Variants in PTBP3 observed in about 807,000 individuals in gnomAD.
PTBP3 encodes the protein polypyrimidine tract-binding protein 3.
A neutral mutation model predicts 58.7 loss-of-function variants in PTBP3; 20 were observed. That is an observed-to-expected ratio of 0.34 (90% confidence interval 0.24 to 0.50). The LOEUF is 0.50. Ranked by LOEUF, PTBP3 falls within the 20% of genes least tolerant of loss-of-function variation. The probability of loss-of-function intolerance (pLI) is 0.98; values close to 1 mark genes in which losing one functional copy is unlikely to be tolerated. For missense variants in PTBP3, 509 were observed against 637.2 expected, an observed-to-expected ratio of 0.80 and a Z score of 2.17; for synonymous variants, 185 against 219.8, an observed-to-expected ratio of 0.84 and a Z score of 1.40.
At chr9:112,225,310 G>GT (rs1172515566) in intron 12 of PTBP3, among the ~76,000 whole-genome samples, 1 of 128,588 alleles carries the variant, frequency 7.8e-6, no homozygotes, top group African/African-American at 3.5e-5. Flanking sequence ...CTAAGTCTCA[G>GT]TTTCATTAAT....
At chr9:112,240,692 G>A (rs1835622919) in intron 7 of PTBP3, among the ~76,000 whole-genome samples, 1 of 150,256 alleles carries the variant, frequency 6.7e-6, no homozygotes, top group Non-Finnish European at 1.5e-5. Flanking sequence ...GCTTCAAGCA[G>A]GTCCTTCAGG....
rs370849239 is a variant in PTBP3, at chr9:112,232,269, C to T, written c.881-31G>A. The T allele has an allele frequency of 1.6e-5, 25 of 1,540,232 alleles. No homozygotes were observed. In the African/African-American group the frequency reaches 3.3e-4, roughly 21 times the overall value. On this transcript the variant is annotated intron_variant, in intron 8 of 13. Transcript: ENST00000374257. ...AAAAATACCAAAAGCATTTCATATT[C>T]TAATTATTTGAAGAACTGTAACACT...
chr9:112,261,413 G>A (rs528746202), intron 5 of PTBP3, among the ~76,000 whole-genome samples: 12 of 152,266 alleles, frequency 7.9e-5, no homozygotes, highest in South Asian at 6.2e-4. Context: ...GAAAGTAAAC[G>A]AACTTCTAAG....
At chr9:112,314,737 C>T (rs1161295133) in intron 1 of PTBP3, among the ~76,000 whole-genome samples, 3 of 152,072 alleles carry the variant, frequency 2.0e-5, no homozygotes, top group Non-Finnish European at 2.9e-5. Context: ...TCTACAATTG[C>T]GGACAGAAAT....
the PTBP3 span, among the ~76,000 whole-genome samples, chr9:112,345,676 T>G: frequency 6.6e-6 from 1 of 151,330 alleles, no homozygotes; most frequent in Non-Finnish European, 1.5e-5. Flanking sequence ...CCACAACACC[T>G]GGCCAAAAAA....
Position 112,224,117 on chromosome 9 carries a change from G to C in PTBP3, c.1442+16C>G. Reference sequence around the variant, plus strand: ...ATTAAATAATTTTAATGTATTTCTTGAAAGCAAAGACTTACTGAAAGAATT... The same window carrying C: ...ATTAAATAATTTTAATGTATTTCTTCAAAGCAAAGACTTACTGAAAGAATT... On this transcript the variant is annotated intron_variant, in intron 13 of 13. Transcript: ENST00000374257. The C allele has an allele frequency of 6.4e-7, 1 of 1,570,176 alleles. No homozygotes were observed. The highest frequency in any genetic ancestry group is 8.7e-7 in the Non-Finnish European group (1 of 1,153,864).
At chr9:112,356,763 G>C in the PTBP3 span, among the ~76,000 whole-genome samples, 1 of 146,450 alleles carries the variant, frequency 6.8e-6, no homozygotes. Context: ...ATAAGGGAAA[G>C]ACTCAAGAGG....
the PTBP3 span, among the ~76,000 whole-genome samples, chr9:112,354,100 G>A: frequency 6.6e-6 from 1 of 152,022 alleles, no homozygotes; most frequent in Non-Finnish European, 1.5e-5. Context: ...CCTTCATTTT[G>A]GCTACAAATT....
At chr9:112,356,802 A>G in the PTBP3 span, among the ~76,000 whole-genome samples, 22 of 143,790 alleles carry the variant, frequency 1.5e-4, no homozygotes, top group African/African-American at 4.9e-4. Flanking sequence ...GTGCGCACAC[A>G]CACACACACA....
At chr9:112,305,946 T>A (rs1189243468) in intron 1 of PTBP3, among the ~76,000 whole-genome samples, 1 of 151,472 alleles carries the variant, frequency 6.6e-6, no homozygotes, top group Non-Finnish European at 1.5e-5. Flanking sequence ...TCTCAAAAAA[T>A]AAAAATAAAA....
intron 1 of PTBP3, among the ~76,000 whole-genome samples, chr9:112,306,173 CTT>C (rs745743404): frequency 2.6e-5 from 4 of 151,110 alleles, no homozygotes; most frequent in African/African-American, 9.7e-5. Flanking sequence ...ATTTTTTAAA[CTT>C]TTTTTTTGAG....
In PTBP3 at chr9:112,305,299, CCAGA is replaced by C. The variant is rs1384318660; in HGVS notation, c.-51-7387_-51-7384del. Among the ~76,000 whole-genome samples, 36 of 150,474 alleles carry C rather than the reference CCAGA, an allele frequency of 2.4e-4. 1 individual carries two copies. The highest frequency in any genetic ancestry group is 4.4e-5 in the Non-Finnish European group (3 of 67,822). ...TTTTCTGCCTAGTGGCCTTGGGTCACCAGACAGTCATAGGGTAAGGAATAGCCAT... is the reference window on the plus strand; with the variant it reads ...TTTTCTGCCTAGTGGCCTTGGGTCACCAGTCATAGGGTAAGGAATAGCCAT... On this transcript the variant is annotated intron_variant, in intron 1 of 13. Transcript: ENST00000374257.
the PTBP3 span, among the ~76,000 whole-genome samples, chr9:112,367,987 T>C: frequency 6.6e-6 from 1 of 152,164 alleles, no homozygotes. Flanking sequence ...TTTTTTTTTC[T>C]TTTTGTTCTT....
chr9:112,303,524 C>T (rs1829039322), intron 1 of PTBP3, among the ~76,000 whole-genome samples: 1 of 152,178 alleles, frequency 6.6e-6, no homozygotes, highest in South Asian at 2.1e-4. Flanking sequence ...GCAAGATTAA[C>T]AGCCCTCTGC....
chr9:112,260,110 T>A (rs1052035253), intron 5 of PTBP3, among the ~76,000 whole-genome samples: 4 of 152,184 alleles, frequency 2.6e-5, no homozygotes, highest in Non-Finnish European at 4.4e-5. Context: ...GGTTTCACCA[T>A]GTTGGCCAGG....
At chr9:112,336,607 C>A (rs935556912), upstream of PTBP3, among the ~76,000 whole-genome samples, 1 of 151,762 alleles carries the variant, frequency 6.6e-6, no homozygotes, top group Admixed American at 6.6e-5. Context: ...CATGGTGAAA[C>A]CCTGTCTCTA....
At chr9:112,366,465 G>C in the PTBP3 span, among the ~76,000 whole-genome samples, 2 of 152,082 alleles carry the variant, frequency 1.3e-5, no homozygotes, top group Non-Finnish European at 2.9e-5. Context: ...TTGGCACCCT[G>C]CTTTCCAGCC....
At chr9:112,283,443 C>T (rs530103051) in intron 2 of PTBP3, among the ~76,000 whole-genome samples, 1 of 152,278 alleles carries the variant, frequency 6.6e-6, no homozygotes, top group East Asian at 1.9e-4. Context: ...TCTTGCAATG[C>T]TTTAGCAAAG....
chr9:112,366,440 G>A, the PTBP3 span, among the ~76,000 whole-genome samples: 3 of 152,108 alleles, frequency 2.0e-5, no homozygotes. Flanking sequence ...CCCAAGCTGT[G>A]TGCAGCCTAG....
Sources: gnomAD v4.1 joint callset for allele counts (sites outside exome capture counted in the v4.1 genomes callset) on GRCh38, gnomAD v4.1.1 for gene constraint, MANE v1.5 for transcripts, NCBI Gene and HGNC (gene_info 2026-07-23, HGNC 2026-07-21) for gene names.